TENM4: variants seen among roughly 807,000 people sequenced by gnomAD.
TENM4 encodes the protein teneurin transmembrane protein 4.
In TENM4, 82 loss-of-function variants were observed where a neutral mutation model predicts 243.3. That is an observed-to-expected ratio of 0.34 (90% CI 0.28 to 0.40). TENM4 has a LOEUF of 0.40. Among genes scored for constraint, TENM4 ranks in the 10% least tolerant of loss-of-function variants. The probability of loss-of-function intolerance (pLI) is 1.00; values close to 1 mark genes in which losing one functional copy is unlikely to be tolerated. For missense variants in TENM4, 3,138 were observed against 3,673.3 expected, an observed-to-expected ratio of 0.85 and a Z score of 3.77; for synonymous variants, 1,412 against 1,456.3, an observed-to-expected ratio of 0.97 and a Z score of 0.69.
At chr11:79,252,503 C>T (rs1343566048) in intron 2 of TENM4, among the ~76,000 whole-genome samples, 1 of 152,200 alleles carries the variant, frequency 6.6e-6, no homozygotes, top group African/African-American at 2.4e-5. Flanking sequence ...TCCCAAAGTG[C>T]TGGGATTACA....
chr11:78,986,632 C>A (rs191850132), intron 6 of TENM4, among the ~76,000 whole-genome samples: 233 of 151,832 alleles, frequency 1.5e-3, no homozygotes, highest in Admixed American at 3.3e-3. Context: ...GGTGTGATCT[C>A]GGCTCACTGC....
intron 3 of TENM4, among the ~76,000 whole-genome samples, chr11:79,156,330 T>C (rs1862615176): frequency 6.6e-6 from 1 of 152,208 alleles, no homozygotes; most frequent in Non-Finnish European, 1.5e-5. Context: ...GAGGTGCTTG[T>C]CAGCATGGAT....
rs200984022 is a variant in TENM4, at chr11:78,669,093, G to A, written c.7252C>T (p.Arg2418Trp). The change falls in exon 32 of 34, where the codon CGG becomes TGG. Residue 2418 changes from arginine (R) to tryptophan (W), a missense_variant. This residue lies in a region of TENM4 where 2,467 missense variants were observed against 3,059.1 expected (regional missense o/e 0.81). Coordinates refer to ENST00000278550, the MANE Select transcript of TENM4 (RefSeq NM_001098816.3). This position sits in a 1 kb window ranked among gnomAD's most constrained non-coding sequence, Gnocchi z 6.4. ...CCGGCCAGCACATCATAATCTCGCC[G>A]GCCCATGTGGACAAGCTTGGTGAGT... Reference protein sequence around the residue: ...DPLTKLVHMGRRDYDVLAGRW... With the variant: ...DPLTKLVHMGWRDYDVLAGRW... 2.9e-5 allele frequency: 46 copies of A among 1,613,716 alleles called. No individual in the cohort carries two copies. Among genetic ancestry groups the A allele is most frequent in the South Asian group, 8.8e-5 (8 of 91,032 alleles).
At chr11:78,992,360 T>C (rs1322541991) in intron 6 of TENM4, among the ~76,000 whole-genome samples, 1 of 152,260 alleles carries the variant, frequency 6.6e-6, no homozygotes, top group Non-Finnish European at 1.5e-5. Flanking sequence ...CTGAGTAGTC[T>C]AGTTGGCTCA....
chr11:79,311,822 T>C (rs1764951063), intron 1 of TENM4, among the ~76,000 whole-genome samples: 1 of 152,218 alleles, frequency 6.6e-6, no homozygotes, highest in Admixed American at 6.5e-5. Context: ...GTTCTACCCC[T>C]GCCCACCTGT....
intron 2 of TENM4, among the ~76,000 whole-genome samples, chr11:79,234,451 T>C (rs1864427236): frequency 6.6e-6 from 1 of 151,966 alleles, no homozygotes; most frequent in African/African-American, 2.4e-5. Flanking sequence ...GGCAATTCAC[T>C]GCATGGGGCT....
rs1047702276 is a variant in TENM4 at position 78,891,236 on chromosome 11, A to G, written c.848+2T>C. 3 of 1,551,416 alleles carry G rather than the reference A, an allele frequency of 1.9e-6. No homozygotes were observed. The highest frequency in any genetic ancestry group is 2.6e-6 in the Non-Finnish European group (3 of 1,146,934). On this transcript the variant is annotated splice_donor_variant, in intron 8 of 33. Coordinates refer to ENST00000278550, the MANE Select transcript of TENM4 (RefSeq NM_001098816.3). LOFTEE classifies it high-confidence loss of function. ...AGAGAGGAGAATGGGGATGTCACCT[A>G]CCCGTCACTGTAAGCCCCATCATGG...
intron 4 of TENM4, among the ~76,000 whole-genome samples, chr11:79,123,880 A>G (rs1455075481): frequency 6.6e-6 from 1 of 152,200 alleles, no homozygotes; most frequent in Non-Finnish European, 1.5e-5. Context: ...CAGAGCCTTT[A>G]GTGTGCTAGT....
At chr11:78,893,805 CT>C (rs1246076223) in intron 7 of TENM4, among the ~76,000 whole-genome samples, 6 of 67,166 alleles carry the variant, frequency 8.9e-5, no homozygotes, top group African/African-American at 8.7e-4. Flanking sequence ...ACACACTCCT[CT>C]CTTTCTCTCT....
intron 6 of TENM4, among the ~76,000 whole-genome samples, chr11:78,941,453 CGA>C (rs1565136311): frequency 6.6e-6 from 1 of 151,336 alleles, no homozygotes; most frequent in African/African-American, 2.4e-5. Flanking sequence ...GCCAAGCTGC[CGA>C]GGGAGGGTGG....
intron 22 of TENM4, among the ~76,000 whole-genome samples, chr11:78,728,270 T>C (rs193120012): frequency 6.6e-6 from 1 of 152,362 alleles, no homozygotes; most frequent in East Asian, 1.9e-4. Context: ...TGTTCCTTTC[T>C]AGCTGTGCAT....
intron 15 of TENM4, among the ~76,000 whole-genome samples, chr11:78,792,814 A>G (rs1224553850): frequency 2.0e-5 from 3 of 152,082 alleles, no homozygotes; most frequent in Non-Finnish European, 1.5e-5. Context: ...TTAGAAACTC[A>G]TTTTCTCCAA....
At chr11:78,840,330 T>G (rs1370581461) in intron 12 of TENM4, among the ~76,000 whole-genome samples, 1 of 151,246 alleles carries the variant, frequency 6.6e-6, no homozygotes, top group Non-Finnish European at 1.5e-5. Flanking sequence ...ATGACACAAA[T>G]GAAAATAAAA....
At chr11:79,234,887 G>T (rs940781251) in intron 2 of TENM4, among the ~76,000 whole-genome samples, 2 of 152,292 alleles carry the variant, frequency 1.3e-5, no homozygotes, top group South Asian at 2.1e-4. Flanking sequence ...GGCTTGCGGG[G>T]TCTGGCAAGG....
At chr11:79,228,715 A>T (rs1864321083) in intron 2 of TENM4, among the ~76,000 whole-genome samples, 1 of 152,204 alleles carries the variant, frequency 6.6e-6, no homozygotes, top group South Asian at 2.1e-4. Context: ...ATTTTAAAAA[A>T]GTCTCCTGTT....
chr11:79,320,024 T>C (rs1015885780), intron 1 of TENM4, among the ~76,000 whole-genome samples: 2 of 152,142 alleles, frequency 1.3e-5, no homozygotes, highest in Admixed American at 1.3e-4. Flanking sequence ...TCTACTGCAG[T>C]GGAGGTTCCT....
rs1181065246 is a variant in TENM4, at chr11:78,839,858, A to G, written c.1681+14246T>C. On this transcript the variant is annotated intron_variant, in intron 12 of 33. Transcript: ENST00000278550. ...TTCTGTTACTTAGTGAACACAAAAG[A>G]CACATCTCAGCACGGTGCATTCAAA... 5.3e-5 allele frequency among the ~76,000 whole-genome samples: 8 copies of G among 152,302 alleles called. No homozygotes were observed. The South Asian group carries it at 1.2e-3, about 24-fold the overall frequency.
chr11:79,261,871 G>C (rs1855804577), intron 2 of TENM4, among the ~76,000 whole-genome samples: 1 of 152,138 alleles, frequency 6.6e-6, no homozygotes, highest in African/African-American at 2.4e-5. Context: ...ATGTTATGCT[G>C]CCAACATTTG....
intron 31 of TENM4, among the ~76,000 whole-genome samples, chr11:78,671,346 A>G (rs1373063197): frequency 1.3e-5 from 2 of 152,190 alleles, no homozygotes; most frequent in Non-Finnish European, 2.9e-5. Flanking sequence ...CCCAGTGGGT[A>G]GAGGAGACCC....
Sources: allele counts gnomAD v4.1 joint callset (sites outside exome capture counted in the v4.1 genomes callset), GRCh38; gene constraint gnomAD v4.1.1; regional missense constraint gnomAD v4.1.1; non-coding constraint Gnocchi (gnomAD v3.1); transcripts MANE v1.5; gene names NCBI Gene and HGNC (gene_info 2026-07-23, HGNC 2026-07-21).